Variants in SENP6 observed in about 807,000 individuals in gnomAD.
The protein encoded by SENP6 is SUMO specific peptidase 6.
SENP6 carries 41 observed loss-of-function variants against 134.5 expected under a neutral mutation model. The observed-to-expected ratio is 0.30, with a 90% confidence interval of 0.24 to 0.40. The LOEUF (loss-of-function observed/expected upper bound fraction) is 0.40, where lower values mean the gene tolerates loss of function less well. Among genes scored for constraint, SENP6 ranks in the 10% least tolerant of loss-of-function variants. The pLI, the probability that SENP6 is intolerant of heterozygous loss-of-function variation, is 1.00. For synonymous variants in SENP6, 395 were observed against 429.8 expected, an observed-to-expected ratio of 0.92 and a Z score of 1.00; for missense variants, 1,248 against 1,312.5, an observed-to-expected ratio of 0.95 and a Z score of 0.76.
At chr6:75,644,621 A>G (rs745635292) in intron 6 of SENP6, among the ~76,000 whole-genome samples, 1 of 152,094 alleles carries the variant, frequency 6.6e-6, no homozygotes, top group African/African-American at 2.4e-5. Context: ...AGTAGCTGGG[A>G]TTACAGGCAT....
intron 10 of SENP6, among the ~76,000 whole-genome samples, chr6:75,668,219 G>A (rs920420720): frequency 6.6e-6 from 1 of 152,146 alleles, no homozygotes; most frequent in African/African-American, 2.4e-5. Flanking sequence ...GCTGCACCCG[G>A]CTGGATTAAT....
chr6:75,643,421 G>A (rs1770182533), intron 6 of SENP6, among the ~76,000 whole-genome samples: 1 of 152,166 alleles, frequency 6.6e-6, no homozygotes, highest in Non-Finnish European at 1.5e-5. Context: ...ATGGAGTTAA[G>A]GATTAAAAGC....
chr6:75,679,758 A>T (rs142353509), intron 16 of SENP6: 43 of 152,350 alleles, frequency 2.8e-4, no homozygotes, highest in African/African-American at 1.0e-3. Context: ...TAAAATGGAC[A>T]TGTATATGAA....
At chr6:75,631,729 CA>C in intron 3 of SENP6, among the ~76,000 whole-genome samples, 1 of 152,324 alleles carries the variant, frequency 6.6e-6, no homozygotes, top group East Asian at 1.9e-4. Context: ...GTAGATACAA[CA>C]GAGACTATAT....
intron 16 of SENP6, among the ~76,000 whole-genome samples, chr6:75,683,609 A>G (rs1232949252): frequency 2.0e-5 from 3 of 152,154 alleles, no homozygotes; most frequent in South Asian, 2.1e-4. Flanking sequence ...TCAGCTTTCT[A>G]CATATGGCTA....
intron 7 of SENP6, among the ~76,000 whole-genome samples, chr6:75,657,346 A>G (rs1003069928): frequency 6.6e-6 from 1 of 152,224 alleles, no homozygotes; most frequent in African/African-American, 2.4e-5. Flanking sequence ...CTTCATAAAA[A>G]TAATACCTGG....
intron 16 of SENP6, among the ~76,000 whole-genome samples, chr6:75,682,302 T>G (rs1488735304): frequency 6.6e-6 from 1 of 152,000 alleles, no homozygotes. Context: ...AGTACCCCTC[T>G]CTCAACAATT....
chr6:75,712,578 A>T (rs1171336397), intron 21 of SENP6, among the ~76,000 whole-genome samples: 1 of 151,340 alleles, frequency 6.6e-6, no homozygotes, highest in East Asian at 1.9e-4. Context: ...GATTTTTTTT[A>T]ACATTTGAGG....
intron 16 of SENP6, among the ~76,000 whole-genome samples, chr6:75,693,862 T>A (rs1774467082): frequency 6.6e-6 from 1 of 152,184 alleles, no homozygotes; most frequent in South Asian, 2.1e-4. Flanking sequence ...AAAGTTTGGA[T>A]CATAAATAAA....
intron 3 of SENP6, among the ~76,000 whole-genome samples, chr6:75,629,666 C>T (rs557080592): frequency 8.5e-4 from 130 of 152,246 alleles, no homozygotes; most frequent in African/African-American, 3.0e-3. Flanking sequence ...TTCAGAAGAT[C>T]TTTGTGTGTC....
rs768673316 is a variant in SENP6 at position 75,602,600 on chromosome 6, G to T, written c.52+24G>T. On this transcript the variant is annotated intron_variant, in intron 1 of 23. Coordinates refer to ENST00000447266, the MANE Select transcript of SENP6 (RefSeq NM_015571.4). ...AGGTACGTCTGTTTCTGCCCTTGAC[G>T]GGGAGAAGGGAGGGTATACTGGAAA... 4.5e-6 allele frequency: 7 copies of T among 1,549,346 alleles called. No individual in the cohort carries two copies. The Admixed American group carries it at 7.8e-5, about 17-fold the overall frequency.
Position 75,697,576 on chromosome 6 carries a change from T to A in SENP6, c.2288+59T>A, listed in dbSNP as rs1347116416. Reference sequence around the variant, plus strand: ...AAATCATGTAAATGATGGCAATTTTTAAATAATGAGTATGAGGTGAAGAAT... The same window carrying A: ...AAATCATGTAAATGATGGCAATTTTAAAATAATGAGTATGAGGTGAAGAAT... On this transcript the variant is annotated intron_variant, in intron 18 of 23. Coordinates refer to ENST00000447266, the MANE Select transcript of SENP6 (RefSeq NM_015571.4). 5 of 1,169,424 alleles carry A rather than the reference T, an allele frequency of 4.3e-6. No individual in the cohort carries two copies. The Admixed American group carries it at 5.5e-5, about 13-fold the overall frequency. The allele number at this position is 1,169,424 out of a possible 1,614,324, so 72.4% of individuals were successfully genotyped here.
chr6:75,655,523 C>T lies in SENP6; in HGVS notation c.551-3739C>T, dbSNP rs564127938. On this transcript the variant is annotated intron_variant, in intron 7 of 23. Transcript: ENST00000447266. ...TTTTCCTAGCATAGATTAATTTTACCTGTTCTAGGACTTCATGTAAATGGA... is the reference window on the plus strand; with the variant it reads ...TTTTCCTAGCATAGATTAATTTTACTTGTTCTAGGACTTCATGTAAATGGA... Among the ~76,000 whole-genome samples, 5 of 152,196 alleles carry T rather than the reference C, an allele frequency of 3.3e-5. No homozygotes were observed. The East Asian group carries it at 9.7e-4, about 29-fold the overall frequency.
chr6:75,666,075 T>C (rs1480431109), intron 9 of SENP6, among the ~76,000 whole-genome samples: 8 of 116,812 alleles, frequency 6.8e-5, no homozygotes, highest in Non-Finnish European at 1.1e-4. Flanking sequence ...GTATATATGA[T>C]ATATATAAAA....
intron 14 of SENP6, chr6:75,677,883 ATTTATTGGG>A (rs1773203242): frequency 6.6e-6 from 1 of 152,324 alleles, no homozygotes; most frequent in South Asian, 2.1e-4. Flanking sequence ...TGCTGACCTA[ATTTATTGGG>A]AACAGATCTC....
rs1339885152 is a variant in SENP6, at chr6:75,634,847, T to C, written c.458+36T>C. The C allele has an allele frequency of 3.0e-6, 4 of 1,322,944 alleles. No individual in the cohort carries two copies. In the African/African-American group the frequency reaches 4.4e-5, roughly 15 times the overall value. The allele number at this position is 1,322,944 out of a possible 1,614,324, so 82.0% of individuals were successfully genotyped here. A position where few individuals can be genotyped will look rare whatever the true frequency, so the allele number is the denominator to read the frequency against. On this transcript the variant is annotated intron_variant, in intron 5 of 23. Transcript: ENST00000447266. The stretch of plus-strand genomic sequence containing the variant: ...TAATTGTCTTTGGTTAGTATATACA[T>C]GGCATCTTCTTCAATAGGTTTTCAC...
At chr6:75,700,432 A>G (rs982149426) in intron 18 of SENP6, among the ~76,000 whole-genome samples, 10 of 152,184 alleles carry the variant, frequency 6.6e-5, no homozygotes, top group Non-Finnish European at 1.2e-4. Flanking sequence ...GAACTGTGAT[A>G]GGCTTTATTA....
intron 14 of SENP6, 156 bp downstream of exon 14, chr6:75,677,412 T>A: frequency 1.6e-6 from 1 of 622,954 alleles, no homozygotes; most frequent in Non-Finnish European, 2.6e-6. Context: ...CTACCTTGTG[T>A]CAAAACAGTG....
At chr6:75,699,817 G>A (rs965857879) in intron 18 of SENP6, among the ~76,000 whole-genome samples, 1 of 151,874 alleles carries the variant, frequency 6.6e-6, no homozygotes, top group African/African-American at 2.4e-5. Context: ...TTTCTAAGCT[G>A]TTTATTAAAA....
Sources: gnomAD v4.1 joint callset for allele counts (sites outside exome capture counted in the v4.1 genomes callset) on GRCh38, gnomAD v4.1.1 for gene constraint, MANE v1.5 for transcripts, NCBI Gene and HGNC (gene_info 2026-07-23, HGNC 2026-07-21) for gene names.